Variants in NTM observed in about 807,000 individuals in gnomAD.
NTM encodes the protein neurotrimin, also known as IgLON family member 2.
In NTM, 13 loss-of-function variants were observed where a neutral mutation model predicts 42.1. The ratio of observed to expected loss-of-function variants is 0.31; its 90% CI spans 0.20 to 0.49. The LOEUF is 0.49. Among genes scored for constraint, NTM ranks in the 20% least tolerant of loss-of-function variants. The probability of loss-of-function intolerance (pLI) is 0.99; values close to 1 mark genes in which losing one functional copy is unlikely to be tolerated. For missense variants in NTM, 373 were observed against 452.8 expected, an observed-to-expected ratio of 0.82 and a Z score of 1.60; for synonymous variants, 187 against 179.2, an observed-to-expected ratio of 1.04 and a Z score of -0.35.
intron 1 of NTM, among the ~76,000 whole-genome samples, chr11:131,593,458 T>C (rs2059557250): frequency 6.6e-6 from 1 of 152,182 alleles, no homozygotes; most frequent in South Asian, 2.1e-4. Context: ...CCAGGGTCCA[T>C]GGGCTCAAGG....
chr11:132,238,328 G>T (rs2089483443), intron 4 of NTM, among the ~76,000 whole-genome samples: 1 of 152,232 alleles, frequency 6.6e-6, no homozygotes. Context: ...AAGGAAGCAG[G>T]CAGAGGGCAC....
At chr11:131,689,564 G>A (rs187957726) in intron 1 of NTM, among the ~76,000 whole-genome samples, 128 of 152,302 alleles carry the variant, frequency 8.4e-4, no homozygotes, top group African/African-American at 2.8e-3. Flanking sequence ...TGGCCCCATT[G>A]CCCTGGAAGC....
chr11:131,518,859 T>C (rs1450876369), intron 1 of NTM, among the ~76,000 whole-genome samples: 1 of 152,232 alleles, frequency 6.6e-6, no homozygotes, highest in Non-Finnish European at 1.5e-5. Context: ...GCTGTTTCCA[T>C]AGATACCCGA....
At chr11:131,459,540 A>C (rs1476128285) in intron 1 of NTM, among the ~76,000 whole-genome samples, 1 of 152,250 alleles carries the variant, frequency 6.6e-6, no homozygotes, top group Non-Finnish European at 1.5e-5. Context: ...ATGAGTGCTT[A>C]GAAAGGAAAA....
intron 1 of NTM, among the ~76,000 whole-genome samples, chr11:131,489,679 A>C (rs1555126476): frequency 6.6e-6 from 1 of 151,974 alleles, no homozygotes; most frequent in Non-Finnish European, 1.5e-5. Context: ...CGTTTTCTTC[A>C]TTTTTTCTTG....
intron 1 of NTM, among the ~76,000 whole-genome samples, chr11:131,761,888 A>G (rs2084266465): frequency 6.6e-6 from 1 of 151,562 alleles, no homozygotes; most frequent in African/African-American, 2.4e-5. Context: ...AAGAGCGCGC[A>G]TGCTCTCTCT....
chr11:131,683,588 C>T (rs937946606), intron 1 of NTM, among the ~76,000 whole-genome samples: 11 of 152,152 alleles, frequency 7.2e-5, no homozygotes, highest in Admixed American at 3.3e-4. Flanking sequence ...TGGATGTGTC[C>T]GAGGTTCACT....
chr11:131,681,860 A>G (rs1457547192), intron 1 of NTM, among the ~76,000 whole-genome samples: 6 of 132,042 alleles, frequency 4.5e-5, no homozygotes, highest in Non-Finnish European at 8.3e-5. Context: ...TGTGTGTGTG[A>G]GCGTGTGTGC....
chr11:131,872,945 A>G (rs1160883337), intron 1 of NTM, among the ~76,000 whole-genome samples: 1 of 152,130 alleles, frequency 6.6e-6, no homozygotes, highest in African/African-American at 2.4e-5. Context: ...GGTTGAACTC[A>G]TTTACACTCC....
chr11:131,992,819 A>T lies in NTM; in HGVS notation c.167+81171A>T, dbSNP rs150964105. 3.4e-3 allele frequency among the ~76,000 whole-genome samples: 516 copies of T among 152,202 alleles called. 1 individual carries two copies. The highest frequency in any genetic ancestry group is 5.6e-3 in the Non-Finnish European group (380 of 68,010). ...AGGGTGTGAGTTGTGTCATAAGAGC[A>T]TTTTTCCTGTGACCATGAGACTGGA... On this transcript the variant is annotated intron_variant, in intron 2 of 8. Coordinates refer to ENST00000683400, the MANE Select transcript of NTM (RefSeq NM_001352005.2).
intron 1 of NTM, among the ~76,000 whole-genome samples, chr11:131,709,962 G>A (rs2076954941): frequency 6.6e-6 from 1 of 152,168 alleles, no homozygotes; most frequent in Non-Finnish European, 1.5e-5. Flanking sequence ...AGAGTGTACT[G>A]TAAAGAGGAA....
chr11:131,445,230 C>T (rs940277637), intron 1 of NTM, among the ~76,000 whole-genome samples: 1 of 152,188 alleles, frequency 6.6e-6, no homozygotes, highest in Non-Finnish European at 1.5e-5. Context: ...GCATTTGTAT[C>T]TCCGTACACT....
intron 1 of NTM, among the ~76,000 whole-genome samples, chr11:131,533,128 A>G (rs1348262688): frequency 6.6e-6 from 1 of 152,200 alleles, no homozygotes; most frequent in Non-Finnish European, 1.5e-5. Context: ...ATTTTCCTGA[A>G]TAAGTGACTC....
At chr11:132,041,227 T>TAG (rs1455359946) in intron 2 of NTM, among the ~76,000 whole-genome samples, 1 of 94,984 alleles carries the variant, frequency 1.1e-5, no homozygotes, top group Admixed American at 1.1e-4. Flanking sequence ...GAGAGAGAGA[T>TAG]AGATAGAGAG....
intron 2 of NTM, among the ~76,000 whole-genome samples, chr11:132,062,615 C>A (rs961544436): frequency 6.6e-6 from 1 of 151,990 alleles, no homozygotes; most frequent in African/African-American, 2.4e-5. Flanking sequence ...AAACATTATG[C>A]ATAGCTATTT....
rs111313978 is a variant in NTM at position 132,335,729 on chromosome 11, C to CTT, written c.*596_*597dup. On this transcript the variant is annotated 3_prime_UTR_variant, in exon 9 of 9. Transcript: ENST00000683400. ...ACAAGTCACAAAAGATACCGTTAAA[C>CTT]TTTTTTTTTTTTTTATCATTTTACT... 71 of 145,030 alleles carry CTT rather than the reference C, an allele frequency of 4.9e-4. No individual in the cohort carries two copies. The highest frequency in any genetic ancestry group is 1.5e-3 in the South Asian group (7 of 4,548). The allele number at this position is 145,030 out of a possible 1,614,324, so 9.0% of individuals were successfully genotyped here. A position where few individuals can be genotyped will look rare whatever the true frequency, so the allele number is the denominator to read the frequency against.
At chr11:131,743,150 G>T (rs955612898) in intron 1 of NTM, among the ~76,000 whole-genome samples, 1 of 151,886 alleles carries the variant, frequency 6.6e-6, no homozygotes, top group Non-Finnish European at 1.5e-5. Flanking sequence ...ATATTTAACA[G>T]ACCTGAACAC....
chr11:132,330,173 A>G lies in NTM; in HGVS notation c.955A>G (p.Thr319Ala). ...TTTAGAAGTGAAAACTACAGCCCTG[A>G]CCCCTTGGAAAGGTTTGTATATTTT... ...MLFEVKTTALTPWKGPGAVSE... is the reference protein window; with the variant it reads ...MLFEVKTTALAPWKGPGAVSE... Residue 319 changes from threonine to alanine, a missense_variant, in exon 8 of 9, where the codon ACC (threonine) becomes GCC (alanine). By Grantham distance (58) the Thr-to-Ala change is moderately conservative. This residue lies in a region of NTM where 312 missense variants were observed against 353.5 expected (regional missense o/e 0.88). Transcript: ENST00000683400. 2 of 1,551,660 alleles carry G rather than the reference A, an allele frequency of 1.3e-6. No homozygotes were observed. The highest frequency in any genetic ancestry group is 1.7e-6 in the Non-Finnish European group (2 of 1,146,936).
chr11:131,414,303 T>C (rs1946726365), intron 1 of NTM, among the ~76,000 whole-genome samples: 1 of 152,184 alleles, frequency 6.6e-6, no homozygotes, highest in South Asian at 2.1e-4. Flanking sequence ...CTGAGGTCTC[T>C]TCCTTCCCTC....
Sources: allele counts gnomAD v4.1 joint callset (sites outside exome capture counted in the v4.1 genomes callset), GRCh38; gene constraint gnomAD v4.1.1; regional missense constraint gnomAD v4.1.1; transcripts MANE v1.5; gene names NCBI Gene and HGNC (gene_info 2026-07-23, HGNC 2026-07-21).